Variants in CSMD1 observed in about 807,000 individuals in gnomAD.
CSMD1 encodes CUB and Sushi multiple domains 1.
Under a neutral mutation model 417.5 loss-of-function variants are expected in CSMD1, and 213 were observed. The ratio of observed to expected loss-of-function variants is 0.51; its 90% CI spans 0.46 to 0.57. The LOEUF (loss-of-function observed/expected upper bound fraction) is 0.57. Among genes scored for constraint, CSMD1 ranks in the 20% least tolerant of loss-of-function variants. The pLI is 0.00. For missense variants in CSMD1, 6,923 were observed against 4,529.7 expected (o/e 1.53, Z -15.17); for synonymous variants, 2,862 against 1,736.8 (o/e 1.65, Z -16.11).
intron 12 of CSMD1, among the ~76,000 whole-genome samples, chr8:3,413,561 A>G (rs1325292209): frequency 6.6e-6 from 1 of 152,172 alleles, no homozygotes; most frequent in Non-Finnish European, 1.5e-5. Context: ...TTTGTCCTTT[A>G]GTTATAGAAG....
At chr8:4,133,178 T>C (rs1273790224) in intron 3 of CSMD1, among the ~76,000 whole-genome samples, 1 of 152,164 alleles carries the variant, frequency 6.6e-6, no homozygotes, top group Non-Finnish European at 1.5e-5. Flanking sequence ...CCTTGTGATC[T>C]GCCCACCTCA....
chr8:3,181,822 T>C (rs1045665147), intron 36 of CSMD1, among the ~76,000 whole-genome samples: 2 of 152,080 alleles, frequency 1.3e-5, no homozygotes, highest in East Asian at 1.9e-4. Context: ...AACTAACCGA[T>C]TGGAAAGGGC....
intron 26 of CSMD1, 86 bp from the exon 27 acceptor site, chr8:3,230,317 G>T: frequency 9.0e-7 from 1 of 1,110,318 alleles, no homozygotes; most frequent in Non-Finnish European, 1.2e-6. Flanking sequence ...GTGGGTTGAA[G>T]CACTCTTCAT....
chr8:3,529,480 T>C (rs968637753), intron 10 of CSMD1, among the ~76,000 whole-genome samples: 2 of 152,104 alleles, frequency 1.3e-5, no homozygotes, highest in African/African-American at 2.4e-5. Context: ...AAGGAAGAAA[T>C]TGGGATTATG....
Position 3,575,191 on chromosome 8 carries a change from TGCATGGACTCCAACTGGG to T in CSMD1, c.1223-143_1223-126del. ...ACAGTAAAAAAAAAAAAAAAAATGG[TGCATGGACTCCAACTGGG>T]GCATGGACTCCAGTCAGCAAGTGGA... On this transcript the variant is annotated intron_variant, in intron 9 of 69. Coordinates refer to ENST00000635120, the MANE Select transcript of CSMD1 (RefSeq NM_033225.6). 4.5e-6 allele frequency: 4 copies of T among 885,526 alleles called. 1 individual carries two copies. The highest frequency in any genetic ancestry group is 3.7e-5 in the South Asian group (2 of 54,588). 54.9% of individuals were successfully genotyped at this position (885,526 alleles called of 1,614,324 possible).
rs537016239 is a variant in CSMD1, at chr8:3,858,401, C to T, written c.819-104359G>A. Among the ~76,000 whole-genome samples, 25 of 152,210 alleles carry T rather than the reference C, an allele frequency of 1.6e-4. No homozygotes were observed. In the South Asian group the frequency reaches 4.6e-3, roughly 28 times the overall value. On this transcript the variant is annotated intron_variant, in intron 5 of 69. Coordinates refer to ENST00000635120, the MANE Select transcript of CSMD1 (RefSeq NM_033225.6). ...ACAATGATTTAAAATGAATTCTATGCTGTTTCTTACCTTTTAAATCAGTTT... is the reference window on the plus strand; with the variant it reads ...ACAATGATTTAAAATGAATTCTATGTTGTTTCTTACCTTTTAAATCAGTTT...
chr8:3,268,355 C>T (rs920206602), intron 26 of CSMD1, among the ~76,000 whole-genome samples: 2 of 122,642 alleles, frequency 1.6e-5, no homozygotes, highest in African/African-American at 6.4e-5. Flanking sequence ...GGAGCGTGAT[C>T]TCAGCTCACT....
chr8:4,990,739 G>A (rs1811417731), intron 1 of CSMD1, among the ~76,000 whole-genome samples: 1 of 152,118 alleles, frequency 6.6e-6, no homozygotes, highest in African/African-American at 2.4e-5. Flanking sequence ...TTCATCAGGA[G>A]GAAGGGTATT....
chr8:4,234,565 C>T (rs1000081795), intron 3 of CSMD1, among the ~76,000 whole-genome samples: 15 of 152,164 alleles, frequency 9.9e-5, no homozygotes, highest in Non-Finnish European at 1.8e-4. Flanking sequence ...TCCTTTAGTA[C>T]AATTCTGCGC....
intron 51 of CSMD1, among the ~76,000 whole-genome samples, chr8:3,023,784 A>G (rs1320790798): frequency 6.6e-6 from 1 of 151,956 alleles, no homozygotes; most frequent in Non-Finnish European, 1.5e-5. Context: ...TAAGCAAATA[A>G]GTAACTGAAA....
At chr8:4,156,123 TAA>T (rs976612629) in intron 3 of CSMD1, among the ~76,000 whole-genome samples, 65 of 152,244 alleles carry the variant, frequency 4.3e-4, no homozygotes, top group African/African-American at 1.2e-3. Flanking sequence ...ATCCTGACAT[TAA>T]GAGTCCCTCT....
intron 3 of CSMD1, among the ~76,000 whole-genome samples, chr8:4,035,919 G>T (rs1002801528): frequency 6.6e-6 from 1 of 152,166 alleles, no homozygotes; most frequent in Non-Finnish European, 1.5e-5. Flanking sequence ...GACTCACCCA[G>T]AGCAACTTCC....
chr8:4,892,526 G>A (rs929917744), intron 1 of CSMD1, among the ~76,000 whole-genome samples: 1 of 151,982 alleles, frequency 6.6e-6, no homozygotes, highest in African/African-American at 2.4e-5. Flanking sequence ...GGGCTAATAA[G>A]GGTAATATTA....
At chr8:4,518,253 G>A (rs1585192749) in intron 2 of CSMD1, among the ~76,000 whole-genome samples, 1 of 152,060 alleles carries the variant, frequency 6.6e-6, no homozygotes, top group African/African-American at 2.4e-5. Flanking sequence ...CCCTCCCACA[G>A]ACACAAAACA....
intron 2 of CSMD1, among the ~76,000 whole-genome samples, chr8:4,588,887 A>G (rs1215280394): frequency 1.3e-5 from 2 of 152,086 alleles, no homozygotes; most frequent in East Asian, 1.9e-4. Flanking sequence ...TGTGGCATTA[A>G]AAACACTCCA....
At chr8:4,970,136 A>C (rs1333377815) in intron 1 of CSMD1, among the ~76,000 whole-genome samples, 1 of 149,290 alleles carries the variant, frequency 6.7e-6, no homozygotes, top group Non-Finnish European at 1.5e-5. Flanking sequence ...ATACACATTT[A>C]GAAGGCATAT....
chr8:4,704,184 G>C (rs1807770657), intron 1 of CSMD1, among the ~76,000 whole-genome samples: 1 of 152,210 alleles, frequency 6.6e-6, no homozygotes, highest in African/African-American at 2.4e-5. Context: ...TAACACGTAA[G>C]TCAAATTTAA....
At chr8:3,764,260 C>G (rs60996915) in intron 5 of CSMD1, among the ~76,000 whole-genome samples, 1 of 152,156 alleles carries the variant, frequency 6.6e-6, no homozygotes, top group African/African-American at 2.4e-5. Flanking sequence ...TCCAGCTACA[C>G]ACTGCCTGTG....
At chr8:3,707,830 G>C (rs139326906) in intron 7 of CSMD1, among the ~76,000 whole-genome samples, 139 of 152,290 alleles carry the variant, frequency 9.1e-4, no homozygotes, top group African/African-American at 3.3e-3. Context: ...TGGGCATTTA[G>C]GAGAAGGCAC....
Sources: gnomAD v4.1 joint callset for allele counts (sites outside exome capture counted in the v4.1 genomes callset) on GRCh38, gnomAD v4.1.1 for gene constraint, MANE v1.5 for transcripts, NCBI Gene and HGNC (gene_info 2026-07-23, HGNC 2026-07-21) for gene names.